The following DIAPH3 variants were observed in gnomAD, a reference collection of about 807,000 sequenced individuals.
The protein encoded by DIAPH3 is diaphanous related formin 3, also known as protein diaphanous homolog 3.
In DIAPH3, 117 loss-of-function variants were observed where a neutral mutation model predicts 144.3. The ratio of observed to expected loss-of-function variants is 0.81; its 90% CI spans 0.70 to 0.95. DIAPH3 has a LOEUF of 0.95. Among genes scored for constraint, DIAPH3 ranks in the 40% least tolerant of loss-of-function variants. DIAPH3 has a pLI of 0.00. For synonymous variants in DIAPH3, 519 were observed against 488.9 expected (o/e 1.06, Z -0.81); for missense variants, 1,421 against 1,412.7 (o/e 1.01, Z -0.09).
intron 1 of DIAPH3, among the ~76,000 whole-genome samples, chr13:60,136,254 T>C (rs1203599077): frequency 2.0e-5 from 3 of 152,140 alleles, no homozygotes; most frequent in African/African-American, 7.2e-5. Flanking sequence ...CTGTTTAAAA[T>C]GAAGTACCTC....
chr13:60,086,169 T>TA (rs2057740414), intron 4 of DIAPH3, among the ~76,000 whole-genome samples: 1 of 152,116 alleles, frequency 6.6e-6, no homozygotes, highest in Non-Finnish European at 1.5e-5. Context: ...TTTACTCCTA[T>TA]AAAAAAAGAA....
intron 27 of DIAPH3, among the ~76,000 whole-genome samples, chr13:59,757,695 C>T (rs1390686981): frequency 2.7e-4 from 41 of 152,072 alleles, no homozygotes; most frequent in African/African-American, 4.1e-4. Flanking sequence ...CCACCGCGCC[C>T]GGCCTATTAT....
rs190473103 is a variant in DIAPH3 at position 59,945,555 on chromosome 13, A to C, written c.2075-20685T>G. Among the ~76,000 whole-genome samples the C allele has an allele frequency of 2.0e-5, 3 of 151,772 alleles. No homozygotes were observed. In the East Asian group the frequency reaches 5.9e-4, roughly 30 times the overall value. On this transcript the variant is annotated intron_variant, in intron 17 of 27. Transcript: ENST00000400324. ...ATAGCAGATAGCTGCAATCCTAGGCATAGTACTAAGTAGCAGCTAGCCTTG... is the reference window on the plus strand; with the variant it reads ...ATAGCAGATAGCTGCAATCCTAGGCCTAGTACTAAGTAGCAGCTAGCCTTG...
intron 27 of DIAPH3, among the ~76,000 whole-genome samples, chr13:59,763,414 A>AT (rs2037709177): frequency 6.6e-6 from 1 of 152,074 alleles, no homozygotes; most frequent in Admixed American, 6.5e-5. Flanking sequence ...ATGGTGGCTC[A>AT]TACCTGAATC....
intron 17 of DIAPH3, among the ~76,000 whole-genome samples, chr13:59,929,020 C>A (rs532178616): frequency 6.6e-6 from 1 of 152,180 alleles, no homozygotes; most frequent in South Asian, 2.1e-4. Flanking sequence ...ATATGTAAAT[C>A]ACTAAAGGTA....
At chr13:60,135,997 T>G (rs1230035579) in intron 1 of DIAPH3, among the ~76,000 whole-genome samples, 1 of 152,172 alleles carries the variant, frequency 6.6e-6, no homozygotes, top group African/African-American at 2.4e-5. Context: ...AGTTTATCAT[T>G]GAAAGTTTAC....
Position 60,016,181 on chromosome 13 carries a change from G to A in DIAPH3, c.627-36C>T, listed in dbSNP as rs369295825. 6 of 1,584,262 alleles carry A rather than the reference G, an allele frequency of 3.8e-6. No homozygotes were observed. In the African/African-American group the frequency reaches 8.1e-5, roughly 21 times the overall value. ...GAAAAAAGACAGTTACACATTGTCA[G>A]TAACGCAGCTTGTGTTATCATATTA... On this transcript the variant is annotated intron_variant, in intron 5 of 27. Coordinates refer to ENST00000400324, the MANE Select transcript of DIAPH3 (RefSeq NM_001042517.2).
intron 4 of DIAPH3, among the ~76,000 whole-genome samples, chr13:60,071,512 ATTAT>A (rs1338083000): frequency 6.6e-6 from 1 of 152,186 alleles, no homozygotes; most frequent in East Asian, 1.9e-4. Flanking sequence ...ATTCTGCATT[ATTAT>A]TTGTTTATAT....
rs962417565 is a variant in DIAPH3, at chr13:59,676,393, C to T, written c.3320-9547G>A. Among the ~76,000 whole-genome samples, 4 of 152,160 alleles carry T rather than the reference C, an allele frequency of 2.6e-5. No individual in the cohort carries two copies. In the East Asian group the frequency reaches 5.8e-4, roughly 22 times the overall value. Reference sequence around the variant, plus strand: ...GCTCTGTTGATTTTTTCCATTAGGGCTGTATTAAATCCAATTCCTCTTCCA... The same window carrying T: ...GCTCTGTTGATTTTTTCCATTAGGGTTGTATTAAATCCAATTCCTCTTCCA... On this transcript the variant is annotated intron_variant, in intron 27 of 27. Coordinates refer to ENST00000400324, the MANE Select transcript of DIAPH3 (RefSeq NM_001042517.2).
chr13:59,813,996 T>C (rs2040634394), intron 24 of DIAPH3, among the ~76,000 whole-genome samples: 1 of 152,074 alleles, frequency 6.6e-6, no homozygotes, highest in Non-Finnish European at 1.5e-5. Context: ...GGTAAGAAGA[T>C]AGGTTGTGAT....
intron 27 of DIAPH3, among the ~76,000 whole-genome samples, chr13:59,693,801 T>A (rs1474997810): frequency 6.6e-6 from 1 of 152,168 alleles, no homozygotes; most frequent in Non-Finnish European, 1.5e-5. Context: ...GGAATTATAT[T>A]TTTAAATCTG....
intron 3 of DIAPH3, among the ~76,000 whole-genome samples, chr13:60,096,695 C>T (rs1001761600): frequency 2.6e-5 from 4 of 152,224 alleles, no homozygotes; most frequent in Admixed American, 6.5e-5. Flanking sequence ...GTCTCCCTCT[C>T]TCTTCTGGAG....
chr13:59,809,358 G>A (rs754676234), intron 25 of DIAPH3, among the ~76,000 whole-genome samples: 82 of 152,056 alleles, frequency 5.4e-4, no homozygotes, highest in Middle Eastern at 6.8e-3. Flanking sequence ...AAAATTAGCC[G>A]GGCATGGTGG....
intron 20 of DIAPH3, among the ~76,000 whole-genome samples, chr13:59,907,909 A>G (rs1046369655): frequency 2.6e-5 from 4 of 152,352 alleles, no homozygotes; most frequent in East Asian, 1.9e-4. Context: ...ATGAAAGTCT[A>G]TATTACAGAA....
intron 3 of DIAPH3, among the ~76,000 whole-genome samples, chr13:60,104,939 CA>C (rs2058367749): frequency 6.6e-6 from 1 of 151,570 alleles, no homozygotes. Flanking sequence ...GCTAAAAATA[CA>C]AAAAAATTAG....
At chr13:59,924,716 GA>G in intron 18 of DIAPH3, 58 bp downstream of exon 18, 1 of 1,563,062 alleles carries the variant, frequency 6.4e-7, no homozygotes, top group East Asian at 2.3e-5. Context: ...TAAAGAAAAT[GA>G]AATCATTTAA....
intron 27 of DIAPH3, among the ~76,000 whole-genome samples, chr13:59,701,913 A>ATTTGATATTTG (rs1165720728): frequency 6.6e-6 from 1 of 152,156 alleles, no homozygotes; most frequent in African/African-American, 2.4e-5. Context: ...GCGTTCCTTA[A>ATTTGATATTTG]AACCTCTGAT....
intron 7 of DIAPH3, among the ~76,000 whole-genome samples, chr13:60,013,756 A>C (rs1479171576): frequency 6.6e-6 from 1 of 152,182 alleles, no homozygotes; most frequent in Non-Finnish European, 1.5e-5. Context: ...AGACTGTATA[A>C]GTGAGGTTTA....
chr13:59,824,648 C>G (rs1222964128), intron 24 of DIAPH3, among the ~76,000 whole-genome samples: 2 of 152,130 alleles, frequency 1.3e-5, no homozygotes, highest in Non-Finnish European at 2.9e-5. Flanking sequence ...GAGAAAGAGA[C>G]TGGATTTTAT....
Sources: gnomAD v4.1 joint callset for allele counts (sites outside exome capture counted in the v4.1 genomes callset) on GRCh38, gnomAD v4.1.1 for gene constraint, MANE v1.5 for transcripts, NCBI Gene and HGNC (gene_info 2026-07-23, HGNC 2026-07-21) for gene names.